The following EFHB variants were observed in gnomAD, a reference collection of about 807,000 sequenced individuals.
EFHB encodes the protein EF-hand domain-containing family member B.
EFHB carries 91 observed loss-of-function variants against 87.2 expected under a neutral mutation model. The observed-to-expected ratio is 1.04, with a 90% CI of 0.88 to 1.24. EFHB has a LOEUF of 1.24. Ranked by LOEUF, EFHB falls within the 50% of genes most tolerant of loss-of-function variation. The probability of loss-of-function intolerance (pLI) is 0.00; values close to 1 mark genes in which losing one functional copy is unlikely to be tolerated. For missense variants in EFHB, 1,084 were observed against 998.8 expected (o/e 1.09, Z -1.15); for synonymous variants, 325 against 333.6 (o/e 0.97, Z 0.28).
At position 19,888,696 on chromosome 3, in the gene EFHB, A is replaced by C; in HGVS notation, c.1726-45T>G. 2.7e-6 allele frequency: 4 copies of C among 1,474,774 alleles called. No individual in the cohort carries two copies. In the South Asian group the frequency reaches 4.8e-5, roughly 18 times the overall value. The allele number at this position is 1,474,774 out of a possible 1,614,324, so 91.4% of individuals were successfully genotyped here. On this transcript the variant is annotated intron_variant, in intron 9 of 12. Coordinates refer to ENST00000295824, the MANE Select transcript of EFHB (RefSeq NM_144715.4). ...AGAACATAAAATGGGAGTTGTCTTC[A>C]AGAGCAGAGTAGGCAACATTATTTA...
rs1695941472 is a variant in EFHB at position 19,934,161 on chromosome 3, T to C, written c.-143A>G. On this transcript the variant is annotated 5_prime_UTR_variant, in exon 1 of 13. Transcript: ENST00000295824. Reference sequence around the variant, plus strand: ...AACCTCACTCGGACTCCCTGTCCATTGCTTCCTGCCTGCCTCTTAACACCT... The same window carrying C: ...AACCTCACTCGGACTCCCTGTCCATCGCTTCCTGCCTGCCTCTTAACACCT... 4.2e-6 allele frequency: 6 copies of C among 1,444,898 alleles called. No individual in the cohort carries two copies. The highest frequency in any genetic ancestry group is 5.4e-6 in the Non-Finnish European group (6 of 1,106,806). 89.5% of individuals were successfully genotyped at this position (1,444,898 alleles called of 1,614,324 possible).
upstream of EFHB, among the ~76,000 whole-genome samples, chr3:19,934,377 CTCT>C: frequency 1.4e-5 from 1 of 69,762 alleles, no homozygotes; most frequent in South Asian, 5.8e-4. Context: ...CTTCTCTCTC[CTCT>C]GTTTCTCTCT....
In EFHB at chr3:19,919,923, A is replaced by G; in HGVS notation, c.906T>C (p.Ala302=). 6.2e-7 allele frequency: 1 copy of G among 1,613,824 alleles called. No homozygotes were observed. The highest frequency in any genetic ancestry group is 2.2e-5 in the East Asian group (1 of 44,834). ...KKYFNFRYPP[A]GVERVFYGRA... Reference sequence around the variant, plus strand: ...TTCCGTAAAATACTCTTTCTACTCCAGCAGGTGGATATCTGAAGTTGAAAT... The same window carrying G: ...TTCCGTAAAATACTCTTTCTACTCCGGCAGGTGGATATCTGAAGTTGAAAT... The change falls in exon 3 of 13, where the codon GCT becomes GCC. Residue 302 remains alanine (A), a synonymous_variant. Transcript: ENST00000295824.
intron 3 of EFHB, among the ~76,000 whole-genome samples, chr3:19,918,998 A>G (rs1695339467): frequency 6.8e-6 from 1 of 146,632 alleles, no homozygotes; most frequent in African/African-American, 2.6e-5. Context: ...AAAAAAAAAA[A>G]GAAGAAAAGT....
rs761733395 is a variant in EFHB, at chr3:19,879,717, T to C, written c.2416A>G (p.Arg806Gly). The change falls in exon 13 of 13, where the codon AGA becomes GGA. Residue 806 changes from arginine to glycine, a missense_variant. Transcript: ENST00000295824. ...VWNLASKKHH[R>G]GEVCVENIRN... ...ATGTTCTCAACACAAACTTCTCCTC[T>C]GTGATGCTTTTTTGATGCAAGATTC... 6 of 1,610,942 alleles carry C rather than the reference T, an allele frequency of 3.7e-6. No homozygotes were observed. The highest frequency in any genetic ancestry group is 4.2e-6 in the Non-Finnish European group (5 of 1,179,234).
chr3:19,916,392 G>C lies in EFHB; in HGVS notation c.1178-979C>G, dbSNP rs557326511. 7.9e-4 allele frequency among the ~76,000 whole-genome samples: 120 copies of C among 152,152 alleles called. 1 individual carries two copies. Among genetic ancestry groups the C allele is most frequent in the African/African-American group, 2.8e-3 (115 of 41,500 alleles). Reference sequence around the variant, plus strand: ...TAGACAGGCGTGGTGGCACACGCCTGTAATCCCAGCTACTCGGGGGGCTGA... The same window carrying C: ...TAGACAGGCGTGGTGGCACACGCCTCTAATCCCAGCTACTCGGGGGGCTGA... On this transcript the variant is annotated intron_variant, in intron 4 of 12. Coordinates refer to ENST00000295824, the MANE Select transcript of EFHB (RefSeq NM_144715.4).
rs1207859164 is a variant in EFHB, at chr3:19,879,736, A to C, written c.2397T>G (p.Leu799=). The part of the protein sequence containing the change: ...SDEEFENVWN[L]ASKKHHRGEV... ...CTCCTCTGTGATGCTTTTTTGATGC[A>C]AGATTCCATACATTTTCAAATTCTT... Residue 799 remains leucine (L), a synonymous_variant, in exon 13 of 13, where the codon CTT becomes CTG. Coordinates refer to ENST00000295824, the MANE Select transcript of EFHB (RefSeq NM_144715.4). 3.1e-6 allele frequency: 5 copies of C among 1,611,108 alleles called. No individual in the cohort carries two copies. The highest frequency in any genetic ancestry group is 1.7e-5 in the Admixed American group (1 of 58,896).
At chr3:19,916,182 T>C (rs1559464519) in intron 4 of EFHB, among the ~76,000 whole-genome samples, 1 of 152,158 alleles carries the variant, frequency 6.6e-6, no homozygotes, top group Non-Finnish European at 1.5e-5. Context: ...TTGGCAGTTT[T>C]AGATGGAAGC....
intron 2 of EFHB, 104 bp from the exon 3 acceptor site, chr3:19,920,080 G>T: frequency 8.5e-7 from 1 of 1,177,672 alleles, no homozygotes; most frequent in Non-Finnish European, 1.2e-6. Flanking sequence ...CATGTATGTA[G>T]TAAATGCATT....
rs1477465794 is a variant in EFHB, at chr3:19,920,509, G to C, written c.848C>G (p.Pro283Arg). 8 of 1,601,174 alleles carry C rather than the reference G, an allele frequency of 5.0e-6. No homozygotes were observed. The African/African-American group carries it at 1.1e-4, about 22-fold the overall frequency. The change falls in exon 2 of 13, where the codon CCC (proline) becomes CGC (arginine). Residue 283 changes from proline to arginine, a missense_variant. Physicochemically the swap from Pro to Arg is moderately radical, Grantham distance 103. Transcript: ENST00000295824. ...RVATCLTEKL[P>R]RLITPPEAKK... Reference sequence around the variant, plus strand: ...AGGTATATTGAAAGTGCTCACCCTGGGAAGTTTTTCAGTCAAGCAGGTTGC... The same window carrying C: ...AGGTATATTGAAAGTGCTCACCCTGCGAAGTTTTTCAGTCAAGCAGGTTGC...
At chr3:19,920,067 G>T in intron 2 of EFHB, 91 bp from the exon 3 acceptor site, 1 of 1,332,740 alleles carries the variant, frequency 7.5e-7, no homozygotes. Context: ...ACAACCTTAA[G>T]TGCATGTATG....
Position 19,920,542 on chromosome 3 carries a change from T to A in EFHB, c.815A>T (p.Tyr272Phe). Reference protein sequence around the residue: ...PSAGKVIPVGYRVATCLTEKL... With the variant: ...PSAGKVIPVGFRVATCLTEKL... ...TTCAGTCAAGCAGGTTGCAACTCTG[T>A]AACCAACTGGAATAACTTTTCCTGC... Residue 272 changes from tyrosine to phenylalanine, a missense_variant, in exon 2 of 13, where the codon TAC (tyrosine) becomes TTC (phenylalanine). Transcript: ENST00000295824. 1 of 1,603,816 alleles carries A rather than the reference T, an allele frequency of 6.2e-7. No individual in the cohort carries two copies. The highest frequency in any genetic ancestry group is 1.3e-5 in the African/African-American group (1 of 74,414).
intron 1 of EFHB, chr3:19,940,771 C>A: frequency 2.9e-6 from 1 of 350,144 alleles, no homozygotes. Context: ...ATGTGAGGAA[C>A]ACCTTGGAGT....
chr3:19,928,652 C>T (rs914127507), intron 1 of EFHB, among the ~76,000 whole-genome samples: 5 of 152,160 alleles, frequency 3.3e-5, no homozygotes, highest in South Asian at 2.1e-4. Context: ...GCCATATTGG[C>T]CAGGCTGGTC....
Position 19,918,215 on chromosome 3 carries a change from A to ATT in EFHB, c.1177+15_1177+16dup, listed in dbSNP as rs534260126. The ATT allele has an allele frequency of 2.7e-5, 32 of 1,191,910 alleles. No homozygotes were observed. Among genetic ancestry groups the ATT allele is most frequent in the Admixed American group, 7.6e-5 (3 of 39,376 alleles). The allele number at this position is 1,191,910 out of a possible 1,614,324, so 73.8% of individuals were successfully genotyped here. A position where few individuals can be genotyped will look rare whatever the true frequency, so the allele number is the denominator to read the frequency against. ...TTTTACCAGCCCCTTCCCACCCCTT[A>ATT]TTTTTTTTTTTACTACCTTTGATGA... On this transcript the variant is annotated intron_variant, in intron 4 of 12. Transcript: ENST00000295824.
intron 1 of EFHB, among the ~76,000 whole-genome samples, chr3:19,939,369 C>CTTT (rs1559479871): frequency 1.1e-5 from 1 of 87,476 alleles, no homozygotes; most frequent in East Asian, 3.0e-4. Flanking sequence ...GGTTGGGTCT[C>CTTT]CTTTTTTTTT....
intron 9 of EFHB, among the ~76,000 whole-genome samples, chr3:19,892,881 TAA>T (rs112928547): frequency 6.0e-5 from 7 of 117,466 alleles, no homozygotes; most frequent in East Asian, 2.0e-4. Context: ...TAAAATAAAA[TAA>T]AATAATATAA....
At chr3:19,918,812 T>TA (rs58871755) in intron 3 of EFHB, among the ~76,000 whole-genome samples, 30,000 of 129,690 alleles carry the variant, frequency 0.23, 3,450 homozygotes, top group Non-Finnish European at 0.28. Flanking sequence ...CCATAACTAC[T>TA]AAAAAAAAAA....
chr3:19,945,550 T>G (rs892210443), intron 1 of EFHB, among the ~76,000 whole-genome samples: 1 of 152,120 alleles, frequency 6.6e-6, no homozygotes, highest in Admixed American at 6.6e-5. Context: ...ACTGGGAGGA[T>G]GTTAATGCCA....
Sources: allele counts gnomAD v4.1 joint callset (sites outside exome capture counted in the v4.1 genomes callset), GRCh38; gene constraint gnomAD v4.1.1; transcripts MANE v1.5; gene names NCBI Gene and HGNC (gene_info 2026-07-23, HGNC 2026-07-21).